BRWD1: variants seen among roughly 807,000 people sequenced by gnomAD.
The protein encoded by BRWD1 is bromodomain and WD repeat domain containing 1, also known as bromodomain and WD repeat-containing protein 1.
A neutral mutation model predicts 251.2 loss-of-function variants in BRWD1; 82 were observed. That is an observed-to-expected ratio of 0.33 (90% confidence interval 0.27 to 0.39). BRWD1 has a LOEUF of 0.39. Ranked by LOEUF, BRWD1 falls within the 10% of genes least tolerant of loss-of-function variation. The pLI is 1.00. For synonymous variants in BRWD1, 918 were observed against 902.8 expected (o/e 1.02, Z -0.30); for missense variants, 2,233 against 2,711.6 (o/e 0.82, Z 3.92).
chr21:39,190,996 C>A lies in BRWD1; in HGVS notation c.*5263G>T. 2.2e-5 allele frequency: 22 copies of A among 985,188 alleles called. No homozygotes were observed. Among genetic ancestry groups the A allele is most frequent in the Non-Finnish European group, 2.5e-5 (21 of 829,816 alleles). The allele number at this position is 985,188 out of a possible 1,614,324, so 61.0% of individuals were successfully genotyped here. ...CTAGAAAAACTCAGATTTGTGATGG[C>A]TATTGCAATTTTTAATAAAAATCTC... On this transcript the variant is annotated 3_prime_UTR_variant, in exon 41 of 41. Coordinates refer to ENST00000342449, the MANE Select transcript of BRWD1 (RefSeq NM_033656.4).
chr21:39,284,327 GAACT>G (rs762121572), intron 8 of BRWD1, among the ~76,000 whole-genome samples: 29 of 152,042 alleles, frequency 1.9e-4, no homozygotes, highest in Non-Finnish European at 3.7e-4. Context: ...AAAAAATTAA[GAACT>G]AACTAGATGA....
chr21:39,311,159 T>G (rs1056660189), intron 4 of BRWD1, among the ~76,000 whole-genome samples: 3 of 151,608 alleles, frequency 2.0e-5, no homozygotes, highest in Admixed American at 6.6e-5. Flanking sequence ...GCCAAAAAAT[T>G]TATATAAATT....
intron 15 of BRWD1, among the ~76,000 whole-genome samples, chr21:39,265,314 A>C (rs956616194): frequency 9.9e-5 from 15 of 152,078 alleles, no homozygotes; most frequent in African/African-American, 3.6e-4. Flanking sequence ...AGTCCCAGCT[A>C]CTCAGGAAGC....
chr21:39,276,326 C>CTT (rs2035280899), intron 11 of BRWD1, 113 bp from the exon 12 acceptor site: 10 of 782,912 alleles, frequency 1.3e-5, no homozygotes, highest in Non-Finnish European at 1.9e-5. Context: ...AAAATTTGCA[C>CTT]TTGTGTTGCT....
chr21:39,320,499 T>C (rs1405944471), intron 1 of BRWD1, among the ~76,000 whole-genome samples: 1 of 151,978 alleles, frequency 6.6e-6, no homozygotes, highest in Non-Finnish European at 1.5e-5. Flanking sequence ...CACAACTGGC[T>C]AGTTTTTGCA....
At chr21:39,290,349 C>G (rs144287170) in intron 8 of BRWD1, among the ~76,000 whole-genome samples, 1 of 151,892 alleles carries the variant, frequency 6.6e-6, no homozygotes, top group Non-Finnish European at 1.5e-5. Flanking sequence ...ATTAGCCGGG[C>G]GTGGTGGCAC....
At chr21:39,273,642 G>C (rs1385389901) in intron 13 of BRWD1, among the ~76,000 whole-genome samples, 1 of 106,490 alleles carries the variant, frequency 9.4e-6, no homozygotes, top group East Asian at 2.0e-4. Context: ...GGCTGAGATG[G>C]GGGGACAGGC....
intron 31 of BRWD1, chr21:39,217,446 AG>A (rs1333529643): frequency 4.8e-6 from 1 of 207,666 alleles, no homozygotes; most frequent in Non-Finnish European, 9.7e-6. Flanking sequence ...AAGAGATTTC[AG>A]GAATATCATA....
In BRWD1 at chr21:39,225,125, G is replaced by A. The variant is rs1172201470; in HGVS notation, c.3281C>T (p.Pro1094Leu). Residue 1094 changes from proline (P) to leucine (L), a missense_variant, in exon 28 of 41, where the codon CCA becomes CTA. By Grantham distance (98) the Pro-to-Leu change is moderately conservative. Coordinates refer to ENST00000342449, the MANE Select transcript of BRWD1 (RefSeq NM_033656.4). ...CTGGAAATGACTATCAGGATACTGT[G>A]GTTGATATGGCTCTTGACTTAACAC... ...GTVLSQEPYQ[P>L]QYPDSHFQCY... is the part of the protein sequence containing the mutation. The A allele has an allele frequency of 6.2e-7, 1 of 1,612,808 alleles. No individual in the cohort carries two copies.
chr21:39,196,091 G>C lies in BRWD1; in HGVS notation c.*168C>G, dbSNP rs2031795887. The C allele has an allele frequency of 5.1e-6, 7 of 1,378,486 alleles. No individual in the cohort carries two copies. The highest frequency in any genetic ancestry group is 1.5e-5 in the African/African-American group (1 of 67,088). The allele number at this position is 1,378,486 out of a possible 1,614,324, so 85.4% of individuals were successfully genotyped here. On this transcript the variant is annotated 3_prime_UTR_variant, in exon 41 of 41. Coordinates refer to ENST00000342449, the MANE Select transcript of BRWD1 (RefSeq NM_033656.4). ...GTGCTGAATGCTGCTACAAAGACCAGCAAGTGCAAATAAAAATAACAGTCA... is the reference window on the plus strand; with the variant it reads ...GTGCTGAATGCTGCTACAAAGACCACCAAGTGCAAATAAAAATAACAGTCA...
intron 8 of BRWD1, among the ~76,000 whole-genome samples, chr21:39,291,058 G>A (rs1237940841): frequency 1.3e-5 from 2 of 152,244 alleles, no homozygotes; most frequent in Admixed American, 6.5e-5. Flanking sequence ...ACCCCAGGCT[G>A]AGGTTACAGT....
chr21:39,194,503 C>T lies in BRWD1; in HGVS notation c.*1756G>A. The T allele has an allele frequency of 7.1e-7, 1 of 1,417,828 alleles. No individual in the cohort carries two copies. The highest frequency in any genetic ancestry group is 9.2e-7 in the Non-Finnish European group (1 of 1,090,944). 87.8% of individuals were successfully genotyped at this position (1,417,828 alleles called of 1,614,324 possible). On this transcript the variant is annotated 3_prime_UTR_variant, in exon 41 of 41. Transcript: ENST00000342449. The stretch of plus-strand genomic sequence containing the variant: ...ACACAAGTTCTGAGAAGAAAAGCAT[C>T]ATAGTTCTGAAATGGTGATAGCTCT...
chr21:39,194,696 G>C lies in BRWD1; in HGVS notation c.*1563C>G. The C allele has an allele frequency of 6.5e-7, 1 of 1,534,936 alleles. No homozygotes were observed. On this transcript the variant is annotated 3_prime_UTR_variant, in exon 41 of 41. Coordinates refer to ENST00000342449, the MANE Select transcript of BRWD1 (RefSeq NM_033656.4). ...AGAACATTCTCTAACATTAATACCA[G>C]TCTGATGCTTCGCCTTGTCTGCCAC...
At chr21:39,238,632 G>A in intron 21 of BRWD1, 59 bp from the exon 22 acceptor site, 1 of 1,144,654 alleles carries the variant, frequency 8.7e-7, no homozygotes, top group Middle Eastern at 2.0e-4. Flanking sequence ...CACATGTCCA[G>A]AAAAAAGCTG....
exon 1 of BRWD1, chr21:39,321,169 G>C (rs1209190678): frequency 3.9e-5 from 6 of 151,992 alleles, no homozygotes; most frequent in Non-Finnish European, 8.8e-5. Flanking sequence ...ACAGGGCCAG[G>C]CGTAGTGGCT....
rs1284296708 is a variant in BRWD1 at position 39,187,843 on chromosome 21, A to G, written c.*8416T>C. Reference sequence around the variant, plus strand: ...ACAGAGTTGCTTTAAGGAACCAAAAAGTGCAGAGTGCTATGAGAACACAGA... The same window carrying G: ...ACAGAGTTGCTTTAAGGAACCAAAAGGTGCAGAGTGCTATGAGAACACAGA... On this transcript the variant is annotated 3_prime_UTR_variant, in exon 41 of 41. Transcript: ENST00000342449. 1.0e-6 allele frequency: 1 copy of G among 985,202 alleles called. No individual in the cohort carries two copies. The allele number at this position is 985,202 out of a possible 1,614,324, so 61.0% of individuals were successfully genotyped here.
Position 39,188,860 on chromosome 21 carries a change from T to C in BRWD1, c.*7399A>G. ...CCAGTGAAATTCTAAGGGCACTATG[T>C]TTTGTTCAGTGTTCAGTCTCCAGGC... is the stretch of plus-strand genomic sequence containing the variant. On this transcript the variant is annotated 3_prime_UTR_variant, in exon 41 of 41. Coordinates refer to ENST00000342449, the MANE Select transcript of BRWD1 (RefSeq NM_033656.4). The C allele has an allele frequency of 1.0e-6, 1 of 985,428 alleles. No homozygotes were observed. Among genetic ancestry groups the C allele is most frequent in the South Asian group, 4.7e-5 (1 of 21,290 alleles). The allele number at this position is 985,428 out of a possible 1,614,324, so 61.0% of individuals were successfully genotyped here.
chr21:39,313,869 C>T (rs2036621125), upstream of BRWD1: 2 of 336,422 alleles, frequency 5.9e-6, no homozygotes, highest in East Asian at 1.0e-4. Context: ...GTCCGAATCC[C>T]TGCGCGCAAT....
intron 7 of BRWD1, 32 bp from the exon 8 acceptor site, chr21:39,294,064 A>G: frequency 6.4e-7 from 1 of 1,554,618 alleles, no homozygotes; most frequent in Non-Finnish European, 8.8e-7. Flanking sequence ...AATTAATGTT[A>G]GTACAGCAAA....
Sources: allele counts gnomAD v4.1 joint callset (sites outside exome capture counted in the v4.1 genomes callset), GRCh38; gene constraint gnomAD v4.1.1; transcripts MANE v1.5; gene names NCBI Gene and HGNC (gene_info 2026-07-23, HGNC 2026-07-21).